The following CTNNA2 variants were observed in gnomAD, a reference collection of about 807,000 sequenced individuals.
CTNNA2 encodes the protein catenin alpha-2.
A neutral mutation model predicts 101.0 loss-of-function variants in CTNNA2; 42 were observed. That is an observed-to-expected ratio of 0.42 (90% CI 0.32 to 0.54). CTNNA2 has a LOEUF of 0.54. Ranked by LOEUF, CTNNA2 falls within the 20% of genes least tolerant of loss-of-function variation. The probability of loss-of-function intolerance (pLI) is 0.14; values close to 1 mark genes in which losing one functional copy is unlikely to be tolerated. For synonymous variants in CTNNA2, 450 were observed against 456.4 expected (o/e 0.99, Z 0.18); for missense variants, 871 against 1,223.1 (o/e 0.71, Z 4.29).
At chr2:80,296,133 C>A (rs1675719595) in intron 7 of CTNNA2, among the ~76,000 whole-genome samples, 1 of 152,090 alleles carries the variant, frequency 6.6e-6, no homozygotes, top group South Asian at 2.1e-4. Context: ...TAGAGGCATG[C>A]AATGTGTAAC....
At position 80,003,131 on chromosome 2, in the gene CTNNA2, A is replaced by G. The variant is rs543322761; in HGVS notation, c.1056+93334A>G. On this transcript the variant is annotated intron_variant, in intron 7 of 18. Coordinates refer to ENST00000402739, the MANE Select transcript of CTNNA2 (RefSeq NM_001282597.3). The stretch of plus-strand genomic sequence containing the variant: ...CAGCAGCCTGTGAGATGGGAGAACC[A>G]TCGTCACCACTGCTGTTGGACACTG... Among the ~76,000 whole-genome samples the G allele has an allele frequency of 4.6e-5, 7 of 152,230 alleles. No individual in the cohort carries two copies. In the East Asian group the frequency reaches 9.7e-4, roughly 21 times the overall value.
chr2:80,498,650 A>G (rs574482206), intron 9 of CTNNA2, among the ~76,000 whole-genome samples: 1 of 152,332 alleles, frequency 6.6e-6, no homozygotes, highest in South Asian at 2.1e-4. Flanking sequence ...GCTCAGATAA[A>G]CGGGCATCAC....
intron 2 of CTNNA2, among the ~76,000 whole-genome samples, chr2:79,723,643 T>C (rs940253491): frequency 6.6e-6 from 1 of 152,200 alleles, no homozygotes; most frequent in Non-Finnish European, 1.5e-5. Context: ...CAGTAAGCAT[T>C]CTGAAACATG....
chr2:80,150,270 T>C (rs182105776), intron 7 of CTNNA2, among the ~76,000 whole-genome samples: 11 of 152,330 alleles, frequency 7.2e-5, no homozygotes, highest in Admixed American at 6.5e-4. Context: ...GAGGCTTCTC[T>C]TTCTGACTTC....
intron 2 of CTNNA2, among the ~76,000 whole-genome samples, chr2:79,288,218 C>T (rs1049759685): frequency 1.3e-5 from 2 of 152,268 alleles, no homozygotes; most frequent in African/African-American, 4.8e-5. Flanking sequence ...CTGCGTCACT[C>T]ACGCTGGGAG....
intron 9 of CTNNA2, among the ~76,000 whole-genome samples, chr2:80,464,427 G>C (rs1684692444): frequency 6.6e-6 from 1 of 152,144 alleles, no homozygotes. Context: ...TTTACTTAGA[G>C]TTCCTCCTGC....
intron 3 of CTNNA2, among the ~76,000 whole-genome samples, chr2:79,817,676 C>G (rs1307040084): frequency 6.6e-6 from 1 of 152,162 alleles, no homozygotes. Flanking sequence ...AAGGGCAAAA[C>G]CTAGATCGAG....
chr2:80,020,965 G>T (rs925430372), intron 7 of CTNNA2, among the ~76,000 whole-genome samples: 1 of 143,472 alleles, frequency 7.0e-6, no homozygotes. Context: ...TCTTCTCTTT[G>T]GTTGAAATTT....
chr2:79,242,177 A>T (rs1192633313), intron 2 of CTNNA2, among the ~76,000 whole-genome samples: 1 of 152,188 alleles, frequency 6.6e-6, no homozygotes, highest in East Asian at 1.9e-4. Context: ...AAGTGCTGGG[A>T]TTATAGGCTT....
At chr2:80,609,741 T>C (rs1370571553) in intron 17 of CTNNA2, among the ~76,000 whole-genome samples, 2 of 151,764 alleles carry the variant, frequency 1.3e-5, no homozygotes, top group Non-Finnish European at 2.9e-5. Context: ...TTGTGTGCTT[T>C]CATTTGTTAC....
intron 7 of CTNNA2, among the ~76,000 whole-genome samples, chr2:79,970,502 A>T (rs572575742): frequency 5.0e-4 from 76 of 152,234 alleles, no homozygotes; most frequent in African/African-American, 1.8e-3. Flanking sequence ...TATACCCTGA[A>T]TAGACCACGG....
At chr2:80,559,107 G>A in intron 12 of CTNNA2, among the ~76,000 whole-genome samples, 1 of 152,088 alleles carries the variant, frequency 6.6e-6, no homozygotes, top group East Asian at 1.9e-4. Flanking sequence ...ATCCTTGAAG[G>A]AAGTGGGTCC....
intron 12 of CTNNA2, 42 bp downstream of exon 12, chr2:80,555,935 G>C (rs371449813): frequency 1.3e-5 from 16 of 1,276,078 alleles, no homozygotes; most frequent in South Asian, 4.1e-5. Flanking sequence ...TTAATGCCTT[G>C]ATTAGTTTCT....
chr2:79,396,729 T>G (rs1233239222), intron 4 of CTNNA2, among the ~76,000 whole-genome samples: 3 of 152,182 alleles, frequency 2.0e-5, no homozygotes, highest in African/African-American at 7.2e-5. Context: ...ACCAACTTTC[T>G]GCCTGGCAAA....
At chr2:79,337,766 A>G (rs1343476206) in intron 3 of CTNNA2, among the ~76,000 whole-genome samples, 2 of 152,194 alleles carry the variant, frequency 1.3e-5, no homozygotes, top group Non-Finnish European at 2.9e-5. Context: ...AAAGGCATTT[A>G]CCTACGTAGA....
intron 7 of CTNNA2, among the ~76,000 whole-genome samples, chr2:80,131,869 A>G (rs1362361096): frequency 6.6e-6 from 1 of 152,020 alleles, no homozygotes; most frequent in Non-Finnish European, 1.5e-5. Flanking sequence ...TCTCCTGAAG[A>G]CAGGAGTTCG....
intron 7 of CTNNA2, among the ~76,000 whole-genome samples, chr2:79,964,437 A>G (rs17018313): frequency 0.011 from 1,711 of 152,174 alleles, 77 homozygotes; most frequent in Admixed American, 0.079. Flanking sequence ...CTGTTTATCT[A>G]ATGAAGGATA....
intron 3 of CTNNA2, among the ~76,000 whole-genome samples, chr2:79,824,681 C>A (rs976651472): frequency 3.3e-5 from 5 of 152,044 alleles, no homozygotes; most frequent in Non-Finnish European, 7.4e-5. Flanking sequence ...TCTAGAGGGG[C>A]AAGTGAGATC....
At chr2:80,332,439 A>G (rs1008977490) in intron 7 of CTNNA2, among the ~76,000 whole-genome samples, 29 of 152,178 alleles carry the variant, frequency 1.9e-4, no homozygotes, top group African/African-American at 6.0e-4. Flanking sequence ...GCGGCTGTCC[A>G]TGATTGTGAA....
Sources: gnomAD v4.1 joint callset for allele counts (sites outside exome capture counted in the v4.1 genomes callset) on GRCh38, gnomAD v4.1.1 for gene constraint, MANE v1.5 for transcripts, NCBI Gene and HGNC (gene_info 2026-07-23, HGNC 2026-07-21) for gene names.